The following CSMD1 variants were observed in gnomAD, a reference collection of about 807,000 sequenced individuals.
CSMD1 encodes CUB and Sushi multiple domains 1.
A neutral mutation model predicts 417.5 loss-of-function variants in CSMD1; 213 were observed. That is an observed-to-expected ratio of 0.51 (90% CI 0.46 to 0.57). CSMD1 has a LOEUF of 0.57. CSMD1 is among the 20% of genes least tolerant of loss of function. CSMD1 has a pLI of 0.00. For missense variants in CSMD1, 6,923 were observed against 4,529.7 expected (o/e 1.53, Z -15.17); for synonymous variants, 2,862 against 1,736.8 (o/e 1.65, Z -16.11).
At chr8:3,593,030 G>A (rs1584933925) in intron 8 of CSMD1, among the ~76,000 whole-genome samples, 1 of 152,210 alleles carries the variant, frequency 6.6e-6, no homozygotes, top group Admixed American at 6.5e-5. Flanking sequence ...GATATAGGCA[G>A]GAGAGGCTGG....
chr8:3,340,534 C>T (rs149820257), intron 23 of CSMD1, among the ~76,000 whole-genome samples: 87 of 152,188 alleles, frequency 5.7e-4, no homozygotes, highest in African/African-American at 2.1e-3. Flanking sequence ...TTACAAAAGT[C>T]TTTTGAAAAT....
chr8:4,783,421 A>C (rs1358985573), intron 1 of CSMD1, among the ~76,000 whole-genome samples: 2 of 152,194 alleles, frequency 1.3e-5, no homozygotes, highest in African/African-American at 4.8e-5. Context: ...CCTCACTCTC[A>C]ATTCAGTGCT....
At chr8:4,400,190 T>C (rs1040725917) in intron 3 of CSMD1, among the ~76,000 whole-genome samples, 5 of 152,202 alleles carry the variant, frequency 3.3e-5, no homozygotes, top group Non-Finnish European at 7.3e-5. Flanking sequence ...ATACAAGCCA[T>C]AGAGAAAGCA....
At chr8:3,115,214 T>TC (rs1563058703) in intron 42 of CSMD1, among the ~76,000 whole-genome samples, 4 of 138,370 alleles carry the variant, frequency 2.9e-5, no homozygotes, top group Admixed American at 7.2e-5. Flanking sequence ...CCCTTTTTTT[T>TC]TTTTGAGATG....
intron 3 of CSMD1, among the ~76,000 whole-genome samples, chr8:4,085,510 A>G (rs190005199): frequency 6.6e-6 from 1 of 152,338 alleles, no homozygotes; most frequent in East Asian, 1.9e-4. Context: ...CTTTCCTAAT[A>G]TAAATTTTAT....
intron 29 of CSMD1, among the ~76,000 whole-genome samples, chr8:3,218,510 G>A (rs1199468999): frequency 6.8e-6 from 1 of 146,718 alleles, no homozygotes; most frequent in African/African-American, 2.5e-5. Flanking sequence ...GCAGTGAGCT[G>A]AGATCACACT....
At chr8:4,575,850 G>A (rs1266753568) in intron 2 of CSMD1, among the ~76,000 whole-genome samples, 7 of 152,046 alleles carry the variant, frequency 4.6e-5, no homozygotes, top group Admixed American at 2.6e-4. Flanking sequence ...CATCTCAGTC[G>A]CCTTCTAAAG....
At chr8:3,426,863 A>C (rs980480735) in intron 12 of CSMD1, among the ~76,000 whole-genome samples, 2 of 152,190 alleles carry the variant, frequency 1.3e-5, no homozygotes, top group Non-Finnish European at 2.9e-5. Context: ...GGAACTGCTC[A>C]AGACTGGGTA....
intron 11 of CSMD1, among the ~76,000 whole-genome samples, chr8:3,490,153 A>T (rs1359327576): frequency 1.3e-5 from 2 of 152,210 alleles, no homozygotes; most frequent in Non-Finnish European, 2.9e-5. Context: ...CACTAAGGAC[A>T]TATATCAGTG....
rs144462329 is a variant in CSMD1, at chr8:3,413,150, C to A, written c.1562-3545G>T. ...CATGGAAATTACCTGGTATATTGCA[C>A]TGGAAATACAATTATTACTATGATT... On this transcript the variant is annotated intron_variant, in intron 12 of 69. Transcript: ENST00000635120. Among the ~76,000 whole-genome samples, 474 of 152,286 alleles carry A rather than the reference C, an allele frequency of 3.1e-3. 3 individuals are homozygous for A. Among genetic ancestry groups the A allele is most frequent in the African/African-American group, 0.011 (449 of 41,534 alleles).
At chr8:4,526,778 A>C (rs928087183) in intron 2 of CSMD1, among the ~76,000 whole-genome samples, 1 of 152,224 alleles carries the variant, frequency 6.6e-6, no homozygotes, top group African/African-American at 2.4e-5. Context: ...GATTCTCCAC[A>C]ACCTGAATTT....
At chr8:3,999,339 C>T (rs547220682) in intron 4 of CSMD1, among the ~76,000 whole-genome samples, 1 of 152,232 alleles carries the variant, frequency 6.6e-6, no homozygotes, top group South Asian at 2.1e-4. Flanking sequence ...ATATCTTCGA[C>T]CCTACCCACC....
At chr8:3,408,780 G>C (rs886938543) in intron 13 of CSMD1, among the ~76,000 whole-genome samples, 4 of 151,944 alleles carry the variant, frequency 2.6e-5, no homozygotes, top group Non-Finnish European at 2.9e-5. Context: ...TTAAGAATGT[G>C]TACTTAAAAT....
chr8:3,378,800 G>T (rs746711894), intron 18 of CSMD1, among the ~76,000 whole-genome samples: 1 of 152,128 alleles, frequency 6.6e-6, no homozygotes, highest in Non-Finnish European at 1.5e-5. Flanking sequence ...ATGCTGAATG[G>T]GCAAAAGCTG....
At chr8:3,899,380 T>A (rs113781608) in intron 5 of CSMD1, among the ~76,000 whole-genome samples, 14 of 152,318 alleles carry the variant, frequency 9.2e-5, no homozygotes, top group African/African-American at 3.4e-4. Flanking sequence ...AAAGAGTGAC[T>A]GAACATGACC....
rs923973911 is a variant in CSMD1, at chr8:4,856,671, G to A, written c.85+137661C>T. Among the ~76,000 whole-genome samples, 4 of 148,360 alleles carry A rather than the reference G, an allele frequency of 2.7e-5. No homozygotes were observed. In the South Asian group the frequency reaches 8.7e-4, roughly 32 times the overall value. On this transcript the variant is annotated intron_variant, in intron 1 of 69. Transcript: ENST00000635120. ...ACAAAGATCAAAAGAGACAAAGAAG[G>A]CCATTACATAATGCTAAAGGGATCA...
chr8:3,516,562 G>C (rs1225890476), intron 10 of CSMD1, among the ~76,000 whole-genome samples: 1 of 152,198 alleles, frequency 6.6e-6, no homozygotes, highest in African/African-American at 2.4e-5. Flanking sequence ...ATGTCTGCTT[G>C]AAAATCTTTC....
intron 5 of CSMD1, among the ~76,000 whole-genome samples, chr8:3,789,869 C>G (rs1475797853): frequency 6.6e-6 from 1 of 151,864 alleles, no homozygotes; most frequent in African/African-American, 2.4e-5. Context: ...GTAGCTGGGA[C>G]TACAGCTGCC....
chr8:4,666,549 A>G (rs559930331), intron 1 of CSMD1, among the ~76,000 whole-genome samples: 2 of 152,330 alleles, frequency 1.3e-5, no homozygotes, highest in South Asian at 2.1e-4. Context: ...TTTTTGACCA[A>G]TTTTGGACTT....
Sources: gnomAD v4.1 joint callset for allele counts (sites outside exome capture counted in the v4.1 genomes callset) on GRCh38, gnomAD v4.1.1 for gene constraint, MANE v1.5 for transcripts, NCBI Gene and HGNC (gene_info 2026-07-23, HGNC 2026-07-21) for gene names.